The following SYN3 variants were observed in gnomAD, a reference collection of about 807,000 sequenced individuals.
The protein encoded by SYN3 is synapsin-3.
In SYN3, 35 loss-of-function variants were observed where a neutral mutation model predicts 65.8. That is an observed-to-expected ratio of 0.53 (90% CI 0.41 to 0.70). SYN3 has a LOEUF of 0.70. Ranked by LOEUF, SYN3 falls within the 30% of genes least tolerant of loss-of-function variation. The pLI is 0.00. For synonymous variants in SYN3, 270 were observed against 292.9 expected (o/e 0.92, Z 0.80); for missense variants, 680 against 749.0 (o/e 0.91, Z 1.08).
At chr22:32,950,079 A>T (rs1045975896) in intron 3 of SYN3, among the ~76,000 whole-genome samples, 1 of 152,108 alleles carries the variant, frequency 6.6e-6, no homozygotes, top group African/African-American at 2.4e-5. Context: ...TCTGGTCCAG[A>T]CTGTACCCTT....
intron 9 of SYN3, among the ~76,000 whole-genome samples, chr22:32,535,440 T>C (rs1421295457): frequency 2.0e-5 from 3 of 152,184 alleles, no homozygotes; most frequent in Admixed American, 2.0e-4. Context: ...AAGCTTTTCA[T>C]GTGATTCTGA....
intron 6 of SYN3, among the ~76,000 whole-genome samples, chr22:32,657,602 A>G (rs2060160292): frequency 1.3e-5 from 2 of 152,224 alleles, no homozygotes; most frequent in Admixed American, 1.3e-4. Flanking sequence ...CGGGCAGAGC[A>G]GAGTGGGGGT....
At chr22:32,603,932 C>A (rs1044379620) in intron 6 of SYN3, among the ~76,000 whole-genome samples, 1 of 152,200 alleles carries the variant, frequency 6.6e-6, no homozygotes, top group Non-Finnish European at 1.5e-5. Context: ...AAACAGAGAT[C>A]CCCACCCAGA....
At position 33,017,064 on chromosome 22, in the gene SYN3, T is replaced by C. The variant is rs73162072; in HGVS notation, c.-162-10240A>G. 5.9e-3 allele frequency among the ~76,000 whole-genome samples: 897 copies of C among 152,322 alleles called. 8 individuals are homozygous for C. Among genetic ancestry groups the C allele is most frequent in the South Asian group, 0.028 (136 of 4,822 alleles). ...AGGTCTTATATTTAAGTCTTTAATC[T>C]ATTTTGAGGTGTTTTTTTGTATGAT... On this transcript the variant is annotated intron_variant, in intron 1 of 13. Transcript: ENST00000358763.
At position 32,508,119 on chromosome 22, in the gene SYN3, C is replaced by G. The variant is rs902563064; in HGVS notation, c.*5573G>C. ...AAGCCATCGCATCCCCTGTGACTTG[C>G]GCGTATACGCCCAGATGGCCTGAAG... On this transcript the variant is annotated 3_prime_UTR_variant, in exon 14 of 14. Coordinates refer to ENST00000358763, the MANE Select transcript of SYN3 (RefSeq NM_003490.4). 6.6e-6 allele frequency among the ~76,000 whole-genome samples: 1 copy of G among 152,150 alleles called. No homozygotes were observed. Among genetic ancestry groups the G allele is most frequent in the African/African-American group, 2.4e-5 (1 of 41,416 alleles).
At chr22:32,533,919 G>A (rs1015511345) in intron 9 of SYN3, 24 bp from the exon 10 acceptor site, 7 of 1,568,838 alleles carry the variant, frequency 4.5e-6, no homozygotes, top group Non-Finnish European at 6.1e-6. Context: ...TGGACAGACA[G>A]TGAAGTGGCC....
chr22:32,992,513 A>T (rs909786191), intron 2 of SYN3, among the ~76,000 whole-genome samples: 2 of 152,164 alleles, frequency 1.3e-5, no homozygotes, highest in East Asian at 3.9e-4. Flanking sequence ...GCCTTACACC[A>T]CTTAAAAAAT....
intron 4 of SYN3, among the ~76,000 whole-genome samples, chr22:32,908,421 C>T (rs1164467636): frequency 7.1e-5 from 10 of 140,334 alleles, no homozygotes; most frequent in Non-Finnish European, 1.5e-4. Flanking sequence ...GATGAGGTCT[C>T]TCTGTATCAC....
intron 3 of SYN3, among the ~76,000 whole-genome samples, chr22:32,946,910 G>A (rs1328052426): frequency 1.3e-5 from 2 of 152,174 alleles, no homozygotes; most frequent in African/African-American, 4.8e-5. Flanking sequence ...CACAGACAGA[G>A]CTCTTGGTAT....
intron 6 of SYN3, among the ~76,000 whole-genome samples, chr22:32,855,203 C>T (rs1389033858): frequency 6.6e-6 from 1 of 152,314 alleles, no homozygotes; most frequent in Non-Finnish European, 1.5e-5. Context: ...CCACCGCCCC[C>T]GTTACCAAAT....
At chr22:32,535,223 C>G (rs559895535) in intron 9 of SYN3, among the ~76,000 whole-genome samples, 150 of 152,294 alleles carry the variant, frequency 9.8e-4, no homozygotes, top group Admixed American at 9.6e-3. Context: ...CCCAGCCCAT[C>G]CATTCTCACT....
Position 32,588,096 on chromosome 22 carries a change from A to G in SYN3, c.774+8578T>C, listed in dbSNP as rs568486301. 2.2e-3 allele frequency among the ~76,000 whole-genome samples: 338 copies of G among 150,370 alleles called. 1 individual carries two copies. The highest frequency in any genetic ancestry group is 8.0e-3 in the African/African-American group (321 of 40,282). On this transcript the variant is annotated intron_variant, in intron 7 of 13. Coordinates refer to ENST00000358763, the MANE Select transcript of SYN3 (RefSeq NM_003490.4). ...ACAGTGCCTGCACAGAGTAAGCTCT[A>G]CAGAACACTGGCTTTTATTATTGTG...
intron 6 of SYN3, among the ~76,000 whole-genome samples, chr22:32,825,016 C>T (rs1458162947): frequency 1.3e-5 from 2 of 152,118 alleles, no homozygotes; most frequent in Non-Finnish European, 2.9e-5. Context: ...CTACTCAGAC[C>T]CTGGAACTTT....
At chr22:32,989,824 G>A (rs1213525408) in intron 2 of SYN3, among the ~76,000 whole-genome samples, 1 of 114,672 alleles carries the variant, frequency 8.7e-6, no homozygotes, top group Non-Finnish European at 1.7e-5. Flanking sequence ...GACAGAGTGA[G>A]ACTCCATCTT....
chr22:32,762,489 C>T (rs1041241017), intron 6 of SYN3, among the ~76,000 whole-genome samples: 4 of 152,200 alleles, frequency 2.6e-5, no homozygotes, highest in African/African-American at 9.7e-5. Context: ...AAAGGACCAA[C>T]AAGATAAAAG....
chr22:32,876,474 T>C (rs1172589301), intron 4 of SYN3, among the ~76,000 whole-genome samples: 16 of 152,200 alleles, frequency 1.1e-4, no homozygotes, highest in Non-Finnish European at 2.1e-4. Flanking sequence ...AGTCAACAAA[T>C]TGATAAACGC....
intron 6 of SYN3, among the ~76,000 whole-genome samples, chr22:32,608,955 T>C (rs2059404955): frequency 6.6e-6 from 1 of 152,180 alleles, no homozygotes; most frequent in Non-Finnish European, 1.5e-5. Flanking sequence ...TGCTCTTTTT[T>C]TCTTCTTCTT....
chr22:32,984,297 CT>C (rs2052461383), intron 2 of SYN3, among the ~76,000 whole-genome samples: 1 of 152,016 alleles, frequency 6.6e-6, no homozygotes, highest in Non-Finnish European at 1.5e-5. Flanking sequence ...TCTCAGAATT[CT>C]TTGCACTCTA....
chr22:32,858,373 G>A (rs2048436800), intron 6 of SYN3, among the ~76,000 whole-genome samples: 1 of 152,198 alleles, frequency 6.6e-6, no homozygotes, highest in African/African-American at 2.4e-5. Flanking sequence ...CCTCCATGAT[G>A]ACCACTTGGA....
Sources: allele counts gnomAD v4.1 joint callset (sites outside exome capture counted in the v4.1 genomes callset), GRCh38; gene constraint gnomAD v4.1.1; transcripts MANE v1.5; gene names NCBI Gene and HGNC (gene_info 2026-07-23, HGNC 2026-07-21).